PTPRD: variants seen among roughly 807,000 people sequenced by gnomAD.
PTPRD encodes protein tyrosine phosphatase receptor type D, also known as receptor-type tyrosine-protein phosphatase delta.
A neutral mutation model predicts 214.5 loss-of-function variants in PTPRD; 34 were observed. The ratio of observed to expected loss-of-function variants is 0.16; its 90% CI spans 0.12 to 0.21. PTPRD has a LOEUF of 0.21. PTPRD is among the 10% of genes least tolerant of loss of function. The pLI, the probability that PTPRD is intolerant of heterozygous loss-of-function variation, is 1.00. For missense variants in PTPRD, 2,545 were observed against 2,398.7 expected (o/e 1.06, Z -1.27); for synonymous variants, 1,128 against 845.7 (o/e 1.33, Z -5.79).
rs549862584 is a variant in PTPRD, at chr9:10,476,465, C to G, written c.-599-135448G>C. Among the ~76,000 whole-genome samples the G allele has an allele frequency of 3.0e-4, 46 of 152,112 alleles. No homozygotes were observed. The South Asian group carries it at 8.7e-3, about 29-fold the overall frequency. The stretch of plus-strand genomic sequence containing the variant: ...GGACCTCTTCAAGGAGAACTACAAT[C>G]CACTACTAAAGGAAGTAAAAGAGGA... On this transcript the variant is annotated intron_variant, in intron 2 of 45. Transcript: ENST00000381196.
intron 9 of PTPRD, among the ~76,000 whole-genome samples, chr9:9,366,632 T>C (rs1453137873): frequency 6.6e-6 from 1 of 151,434 alleles, no homozygotes; most frequent in African/African-American, 2.4e-5. Context: ...TTACAGGAAA[T>C]AGAAACATAT....
At chr9:8,918,400 G>T (rs1031414745) in intron 11 of PTPRD, among the ~76,000 whole-genome samples, 1 of 152,088 alleles carries the variant, frequency 6.6e-6, no homozygotes, top group African/African-American at 2.4e-5. Flanking sequence ...TTGTTAGCAT[G>T]GTGCACTGTT....
chr9:10,056,978 A>G (rs986684731), intron 3 of PTPRD, among the ~76,000 whole-genome samples: 10 of 152,180 alleles, frequency 6.6e-5, no homozygotes, highest in Admixed American at 6.5e-4. Flanking sequence ...TGTATCAAGT[A>G]GAGAATTGTA....
chr9:8,665,239 C>T (rs1189366938), intron 12 of PTPRD, among the ~76,000 whole-genome samples: 1 of 152,106 alleles, frequency 6.6e-6, no homozygotes, highest in Non-Finnish European at 1.5e-5. Context: ...TTAAGCTAGC[C>T]ATTGTGTCCC....
chr9:9,531,631 C>T (rs2075489945), intron 8 of PTPRD, among the ~76,000 whole-genome samples: 2 of 152,084 alleles, frequency 1.3e-5, no homozygotes, highest in African/African-American at 4.8e-5. Flanking sequence ...ACTCCTCGCA[C>T]AGATTATGTT....
intron 5 of PTPRD, among the ~76,000 whole-genome samples, chr9:9,836,200 G>A (rs2056702657): frequency 6.6e-6 from 1 of 152,150 alleles, no homozygotes; most frequent in South Asian, 2.1e-4. Context: ...GAAACATATG[G>A]AAGGACATCC....
At chr9:8,526,274 A>AAG (rs1428863106) in intron 17 of PTPRD, among the ~76,000 whole-genome samples, 1 of 151,542 alleles carries the variant, frequency 6.6e-6, no homozygotes, top group African/African-American at 2.4e-5. Context: ...AAAGAAGAAA[A>AAG]AAAAAAAGAA....
intron 4 of PTPRD, among the ~76,000 whole-genome samples, chr9:9,941,308 C>T (rs902412437): frequency 6.6e-6 from 1 of 152,058 alleles, no homozygotes. Flanking sequence ...ATTCAATAAA[C>T]ATTAAGTGAA....
chr9:10,466,952 T>C (rs1012655783), intron 2 of PTPRD, among the ~76,000 whole-genome samples: 3 of 152,168 alleles, frequency 2.0e-5, no homozygotes, highest in African/African-American at 7.2e-5. Context: ...GTCCAGAGGA[T>C]GCACTCTTTT....
At chr9:9,584,795 G>A (rs1239926729) in intron 7 of PTPRD, among the ~76,000 whole-genome samples, 2 of 151,684 alleles carry the variant, frequency 1.3e-5, no homozygotes, top group Admixed American at 6.6e-5. Flanking sequence ...TTTTCAACCT[G>A]TAATGTCAAG....
At chr9:10,455,201 G>A (rs1361625992) in intron 2 of PTPRD, among the ~76,000 whole-genome samples, 1 of 151,658 alleles carries the variant, frequency 6.6e-6, no homozygotes, top group Non-Finnish European at 1.5e-5. Flanking sequence ...AGCCTCTGTA[G>A]CACTGCTGAC....
At chr9:8,948,163 G>C (rs955947375) in intron 11 of PTPRD, among the ~76,000 whole-genome samples, 5 of 150,720 alleles carry the variant, frequency 3.3e-5, no homozygotes, top group African/African-American at 1.2e-4. Flanking sequence ...GGGACTACAG[G>C]TGCATGCCAC....
At position 10,487,966 on chromosome 9, in the gene PTPRD, G is replaced by GTCTCCCTCTCTCTC. The variant is rs1491332095; in HGVS notation, c.-600+124431_-600+124432insGAGAGAGAGGGAGA. 6.3e-5 allele frequency among the ~76,000 whole-genome samples: 7 copies of GTCTCCCTCTCTCTC among 110,320 alleles called. No individual in the cohort carries two copies. The East Asian group carries it at 1.1e-3, about 17-fold the overall frequency. The allele number at this position is 110,320 out of a possible 152,430, so 72.4% of individuals were successfully genotyped here. On this transcript the variant is annotated intron_variant, in intron 2 of 45. Coordinates refer to ENST00000381196, the MANE Select transcript of PTPRD (RefSeq NM_002839.4). ...CCTTAATTTCTCCCAAATGAACACA[G>GTCTCCCTCTCTCTC]TCTCTCTCTCTCTCTCTCTCTCTCT...
chr9:9,937,656 G>T (rs576027908), intron 5 of PTPRD, among the ~76,000 whole-genome samples: 1 of 151,988 alleles, frequency 6.6e-6, no homozygotes, highest in Non-Finnish European at 1.5e-5. Flanking sequence ...CATGTTTCTT[G>T]TATCTATTTT....
intron 7 of PTPRD, among the ~76,000 whole-genome samples, chr9:9,585,904 G>A (rs2091862124): frequency 6.6e-6 from 1 of 152,032 alleles, no homozygotes; most frequent in South Asian, 2.1e-4. Flanking sequence ...TTAACATGGA[G>A]AAACTGGAAG....
intron 5 of PTPRD, among the ~76,000 whole-genome samples, chr9:9,810,464 G>GA (rs1464323991): frequency 6.6e-6 from 1 of 151,968 alleles, no homozygotes; most frequent in African/African-American, 2.4e-5. Flanking sequence ...TTACCATACT[G>GA]AAAATCCTAG....
intron 7 of PTPRD, among the ~76,000 whole-genome samples, chr9:9,648,510 C>T (rs1306104796): frequency 2.6e-5 from 4 of 152,156 alleles, no homozygotes; most frequent in African/African-American, 9.7e-5. Context: ...TTTCACAAAT[C>T]TCAGACATTG....
intron 7 of PTPRD, among the ~76,000 whole-genome samples, chr9:9,690,812 A>G (rs1256356505): frequency 6.6e-6 from 1 of 151,732 alleles, no homozygotes; most frequent in African/African-American, 2.4e-5. Context: ...ATTCTGTTTC[A>G]TTGGTGTATG....
At chr9:10,407,441 G>A (rs2098382212) in intron 2 of PTPRD, among the ~76,000 whole-genome samples, 1 of 151,402 alleles carries the variant, frequency 6.6e-6, no homozygotes, top group South Asian at 2.1e-4. Context: ...ATGAGATTTT[G>A]AAAAATGGAT....
Sources: gnomAD v4.1 joint callset for allele counts (sites outside exome capture counted in the v4.1 genomes callset) on GRCh38, gnomAD v4.1.1 for gene constraint, MANE v1.5 for transcripts, NCBI Gene and HGNC (gene_info 2026-07-23, HGNC 2026-07-21) for gene names.